PHF21A: variants seen among roughly 807,000 people sequenced by gnomAD.
The protein encoded by PHF21A is BHC80a.
Under a neutral mutation model 82.5 loss-of-function variants are expected in PHF21A, and 11 were observed. That is an observed-to-expected ratio of 0.13 (90% confidence interval 0.08 to 0.22). The LOEUF (loss-of-function observed/expected upper bound fraction) is 0.22, where lower values mean the gene tolerates loss of function less well. Ranked by LOEUF, PHF21A falls within the 10% of genes least tolerant of loss-of-function variation. The probability of loss-of-function intolerance (pLI) is 1.00; values close to 1 mark genes in which losing one functional copy is unlikely to be tolerated. For synonymous variants in PHF21A, 297 were observed against 302.8 expected (o/e 0.98, Z 0.20); for missense variants, 579 against 837.8 (o/e 0.69, Z 3.81).
Position 45,971,382 on chromosome 11 carries a change from A to G in PHF21A, c.361-15T>C. The G allele has an allele frequency of 6.2e-7, 1 of 1,608,838 alleles. No individual in the cohort carries two copies. ...GTTACAGTCTTCTAGGAGACAGGGA[A>G]AACAGATATTAGGACACTAAATCTA... On this transcript the variant is annotated splice_polypyrimidine_tract_variant and intron_variant, in intron 7 of 18. Transcript: ENST00000676320.
At chr11:45,977,211 A>G (rs2094073556) in intron 7 of PHF21A, among the ~76,000 whole-genome samples, 1 of 144,788 alleles carries the variant, frequency 6.9e-6, no homozygotes, top group South Asian at 2.1e-4. Flanking sequence ...ATCTCGGCTC[A>G]CTGGAACCTC....
intron 7 of PHF21A, among the ~76,000 whole-genome samples, chr11:45,973,990 T>C (rs184563278): frequency 2.6e-5 from 4 of 152,368 alleles, no homozygotes; most frequent in Admixed American, 2.6e-4. Context: ...CAAACTCACC[T>C]GAATTATATA....
intron 6 of PHF21A, among the ~76,000 whole-genome samples, chr11:46,071,356 GC>G (rs1332093726): frequency 6.6e-6 from 1 of 152,182 alleles, no homozygotes; most frequent in Non-Finnish European, 1.5e-5. Flanking sequence ...AGTTCAGCCA[GC>G]CCACAAACTG....
chr11:46,035,134 T>C (rs769010121), intron 6 of PHF21A, among the ~76,000 whole-genome samples: 1 of 152,166 alleles, frequency 6.6e-6, no homozygotes, highest in Admixed American at 6.5e-5. Flanking sequence ...ATATGTCCGC[T>C]CTCTTTTTGG....
intron 1 of PHF21A, among the ~76,000 whole-genome samples, chr11:46,110,133 A>C (rs987720493): frequency 3.9e-5 from 6 of 152,212 alleles, no homozygotes; most frequent in Non-Finnish European, 7.3e-5. Context: ...CTGATTAAAA[A>C]TTCAATTTAC....
intron 6 of PHF21A, among the ~76,000 whole-genome samples, chr11:45,987,601 C>T (rs2094538309): frequency 8.1e-6 from 1 of 123,660 alleles, no homozygotes; most frequent in East Asian, 2.6e-4. Flanking sequence ...GCAGAAGTTG[C>T]AGTGAGCCAA....
intron 1 of PHF21A, among the ~76,000 whole-genome samples, chr11:46,093,688 G>A (rs1329480298): frequency 6.6e-6 from 1 of 152,104 alleles, no homozygotes; most frequent in Non-Finnish European, 1.5e-5. Flanking sequence ...AACAGTACCA[G>A]GCACATAGTA....
intron 1 of PHF21A, among the ~76,000 whole-genome samples, chr11:46,096,388 CCTCT>C (rs2096996445): frequency 2.1e-5 from 3 of 143,898 alleles, no homozygotes; most frequent in Non-Finnish European, 4.8e-5. Context: ...AACCATACTC[CCTCT>C]AATTCCTCTC....
chr11:45,964,662 CCTT>C (rs1331458681), intron 10 of PHF21A, among the ~76,000 whole-genome samples: 2 of 152,010 alleles, frequency 1.3e-5, no homozygotes, highest in Admixed American at 6.5e-5. Flanking sequence ...GCCTATAAAT[CCTT>C]CTTGTTTTCA....
At chr11:46,035,407 T>C (rs987892914) in intron 6 of PHF21A, among the ~76,000 whole-genome samples, 3 of 152,238 alleles carry the variant, frequency 2.0e-5, no homozygotes, top group Non-Finnish European at 4.4e-5. Flanking sequence ...CTAAACCTTC[T>C]AGTATGTTTT....
intron 9 of PHF21A, among the ~76,000 whole-genome samples, chr11:45,966,689 G>A (rs1450114825): frequency 2.6e-5 from 4 of 152,018 alleles, no homozygotes; most frequent in African/African-American, 9.7e-5. Flanking sequence ...GCGCGACCTC[G>A]GCTCACAGCA....
rs1036511687 is a variant in PHF21A, at chr11:45,930,047, A to T, written c.*3921T>A. The T allele has an allele frequency of 6.6e-6, 1 of 152,262 alleles. No homozygotes were observed. The highest frequency in any genetic ancestry group is 2.1e-4 in the South Asian group (1 of 4,832). 9.4% of individuals were successfully genotyped at this position (152,262 alleles called of 1,614,324 possible). A position where few individuals can be genotyped will look rare whatever the true frequency, so the allele number is the denominator to read the frequency against. Reference sequence around the variant, plus strand: ...CCACCATCCATCTCATTACCCTAAGAGCCTTTTGCCCCTGGGTAAAAAGTC... The same window carrying T: ...CCACCATCCATCTCATTACCCTAAGTGCCTTTTGCCCCTGGGTAAAAAGTC... On this transcript the variant is annotated 3_prime_UTR_variant, in exon 19 of 19. Transcript: ENST00000676320.
intron 6 of PHF21A, among the ~76,000 whole-genome samples, chr11:46,024,060 G>T (rs1229666765): frequency 6.6e-6 from 1 of 152,228 alleles, no homozygotes; most frequent in South Asian, 2.1e-4. Context: ...GGAAATACTG[G>T]ATTAGTTGCA....
At chr11:45,966,989 T>C (rs1030992974) in intron 9 of PHF21A, among the ~76,000 whole-genome samples, 12 of 152,138 alleles carry the variant, frequency 7.9e-5, no homozygotes, top group Non-Finnish European at 1.6e-4. Context: ...TGCATGAAGC[T>C]TGACCTTCAA....
intron 1 of PHF21A, among the ~76,000 whole-genome samples, chr11:46,111,338 T>C (rs2097212034): frequency 6.6e-6 from 1 of 151,420 alleles, no homozygotes; most frequent in Non-Finnish European, 1.5e-5. Context: ...GGCATGGAGG[T>C]GCATGCCTGT....
intron 6 of PHF21A, among the ~76,000 whole-genome samples, chr11:46,070,103 C>T (rs2096638875): frequency 6.6e-6 from 1 of 152,164 alleles, no homozygotes; most frequent in South Asian, 2.1e-4. Flanking sequence ...CTACCCAGTC[C>T]TTTGTTTCAG....
At chr11:46,041,864 A>C (rs1044949806) in intron 6 of PHF21A, among the ~76,000 whole-genome samples, 6 of 152,142 alleles carry the variant, frequency 3.9e-5, no homozygotes, top group Non-Finnish European at 2.9e-5. Context: ...CCTTAAATAC[A>C]CTAGTAGCCA....
At chr11:46,088,364 A>C (rs1201939574) in intron 3 of PHF21A, among the ~76,000 whole-genome samples, 1 of 152,152 alleles carries the variant, frequency 6.6e-6, no homozygotes, top group Non-Finnish European at 1.5e-5. Flanking sequence ...TCCAAACGGT[A>C]CATGTCAAAC....
At chr11:46,018,404 A>C (rs1424031172) in intron 6 of PHF21A, among the ~76,000 whole-genome samples, 13 of 152,234 alleles carry the variant, frequency 8.5e-5, no homozygotes, top group Non-Finnish European at 1.9e-4. Context: ...TGTACAGTAT[A>C]GTATTAACAC....
Sources: gnomAD v4.1 joint callset for allele counts (sites outside exome capture counted in the v4.1 genomes callset) on GRCh38, gnomAD v4.1.1 for gene constraint, MANE v1.5 for transcripts, NCBI Gene and HGNC (gene_info 2026-07-23, HGNC 2026-07-21) for gene names.